KDM4C: variants seen among roughly 807,000 people sequenced by gnomAD.
The protein encoded by KDM4C is lysine demethylase 4C.
A neutral mutation model predicts 129.3 loss-of-function variants in KDM4C; 81 were observed. The observed-to-expected ratio is 0.63, with a 90% CI of 0.52 to 0.75. KDM4C has a LOEUF of 0.75. Ranked by LOEUF, KDM4C falls within the 30% of genes least tolerant of loss-of-function variation. KDM4C has a pLI of 0.00. For synonymous variants in KDM4C, 573 were observed against 456.1 expected (o/e 1.26, Z -3.26); for missense variants, 1,457 against 1,304.0 (o/e 1.12, Z -1.81).
intron 8 of KDM4C, among the ~76,000 whole-genome samples, chr9:6,953,624 A>G (rs546217633): frequency 1.3e-5 from 2 of 152,264 alleles, no homozygotes; most frequent in South Asian, 4.1e-4. Flanking sequence ...GTCTCAGTGT[A>G]CCATGTTATA....
intron 11 of KDM4C, among the ~76,000 whole-genome samples, chr9:6,989,077 G>A (rs913087512): frequency 6.6e-6 from 1 of 152,190 alleles, no homozygotes; most frequent in Admixed American, 6.5e-5. Flanking sequence ...ATGGTGCATA[G>A]TAGTGTGTTG....
intron 1 of KDM4C, among the ~76,000 whole-genome samples, chr9:6,734,199 C>T (rs1000461201): frequency 6.6e-6 from 1 of 151,928 alleles, no homozygotes; most frequent in Non-Finnish European, 1.5e-5. Flanking sequence ...TGCAGCTGTC[C>T]CCAGAAAGAG....
intron 11 of KDM4C, among the ~76,000 whole-genome samples, chr9:6,987,803 T>C (rs1004019036): frequency 6.6e-6 from 1 of 152,076 alleles, no homozygotes; most frequent in Non-Finnish European, 1.5e-5. Context: ...TATGGTCTGG[T>C]TTCTTTGAAA....
intron 17 of KDM4C, chr9:7,076,980 T>G (rs541731066): frequency 3.2e-5 from 32 of 985,600 alleles, no homozygotes; most frequent in Non-Finnish European, 3.9e-5. Flanking sequence ...GGCTTGAATC[T>G]AAGAGAATCC....
At chr9:6,834,532 AC>A in intron 4 of KDM4C, 2 of 670,302 alleles carry the variant, frequency 3.0e-6, no homozygotes, top group East Asian at 2.8e-5. Context: ...GGTGACGATG[AC>A]CCCCGGCCGT....
At chr9:6,775,360 A>C (rs1332329710) in intron 1 of KDM4C, among the ~76,000 whole-genome samples, 1 of 151,570 alleles carries the variant, frequency 6.6e-6, no homozygotes, top group Non-Finnish European at 1.5e-5. Flanking sequence ...GTTAATTTTC[A>C]CTGCTGTGTA....
chr9:6,970,238 G>T (rs1831726068), intron 8 of KDM4C, among the ~76,000 whole-genome samples: 1 of 152,114 alleles, frequency 6.6e-6, no homozygotes, highest in African/African-American at 2.4e-5. Flanking sequence ...AATGAGTAAT[G>T]GTTTCTTATG....
At chr9:7,064,990 G>A (rs1025959662) in intron 17 of KDM4C, among the ~76,000 whole-genome samples, 10 of 152,156 alleles carry the variant, frequency 6.6e-5, no homozygotes, top group African/African-American at 2.2e-4. Context: ...TAAATAAATT[G>A]AAAACAAACA....
rs561763055 is a variant in KDM4C at position 6,906,689 on chromosome 9, G to A, written c.921+13457G>A. 1.2e-4 allele frequency among the ~76,000 whole-genome samples: 19 copies of A among 152,262 alleles called. No individual in the cohort carries two copies. The East Asian group carries it at 2.7e-3, about 22-fold the overall frequency. On this transcript the variant is annotated intron_variant, in intron 8 of 21. Coordinates refer to ENST00000381309, the MANE Select transcript of KDM4C (RefSeq NM_015061.6). ...ACTCCTGGGCTCAAGTGATCCTCTC[G>A]TTTCAGCCTCCCCAAGTGCTGGAAT...
intron 19 of KDM4C, among the ~76,000 whole-genome samples, chr9:7,141,589 T>G (rs1214605212): frequency 1.3e-5 from 2 of 152,164 alleles, no homozygotes; most frequent in Non-Finnish European, 2.9e-5. Flanking sequence ...GATTCTGGCT[T>G]GCTCAGCCAA....
intron 4 of KDM4C, among the ~76,000 whole-genome samples, chr9:6,831,457 C>T (rs1163179766): frequency 2.0e-5 from 3 of 152,016 alleles, no homozygotes; most frequent in Non-Finnish European, 4.4e-5. Flanking sequence ...ATTCTCCTGC[C>T]ATAGCCTTCC....
At chr9:6,955,483 G>A (rs530549910) in intron 8 of KDM4C, among the ~76,000 whole-genome samples, 12 of 152,270 alleles carry the variant, frequency 7.9e-5, no homozygotes, top group Admixed American at 3.9e-4. Context: ...AGCAGAGAAG[G>A]ATGCCTTTGA....
intron 5 of KDM4C, among the ~76,000 whole-genome samples, chr9:6,854,546 C>CA (rs796548476): frequency 0.034 from 3,661 of 108,662 alleles, 185 homozygotes; most frequent in African/African-American, 0.11. Flanking sequence ...AAAAAAAAAA[C>CA]AAAAAAAAAA....
chr9:7,016,138 T>C (rs1043871349), intron 15 of KDM4C, among the ~76,000 whole-genome samples: 54 of 151,976 alleles, frequency 3.6e-4, no homozygotes, highest in African/African-American at 1.2e-3. Flanking sequence ...TTTTCTTTTT[T>C]TTTTTTTGAG....
intron 9 of KDM4C, chr9:6,981,802 A>G (rs1380075415): frequency 4.0e-6 from 1 of 248,308 alleles, no homozygotes; most frequent in Non-Finnish European, 9.7e-6. Flanking sequence ...ATTTTATGTT[A>G]AATTTTCCTC....
intron 21 of KDM4C, among the ~76,000 whole-genome samples, chr9:7,174,071 C>T (rs1176088346): frequency 6.6e-6 from 1 of 152,152 alleles, no homozygotes; most frequent in African/African-American, 2.4e-5. Flanking sequence ...GAGAAGAGAG[C>T]TTTAAGCAGT....
Position 7,049,187 on chromosome 9 carries a change from A to G in KDM4C, c.2411A>G (p.Gln804Arg). ...ATAGATGTAGGCAGAATACCTTTACAGAGGTTAAAATTGGTGAGTGGCAAA... is the reference window on the plus strand; with the variant it reads ...ATAGATGTAGGCAGAATACCTTTACGGAGGTTAAAATTGGTGAGTGGCAAA... ...TQIDVGRIPLQRLKLKCIFCR... is the reference protein window; with the variant it reads ...TQIDVGRIPLRRLKLKCIFCR... The change falls in exon 17 of 22, where the codon CAG becomes CGG. Residue 804 changes from glutamine to arginine, a missense_variant. Gln to Arg is a conservative substitution (Grantham distance 43). Coordinates refer to ENST00000381309, the MANE Select transcript of KDM4C (RefSeq NM_015061.6). The G allele has an allele frequency of 6.3e-7, 1 of 1,592,980 alleles. No individual in the cohort carries two copies. The highest frequency in any genetic ancestry group is 8.6e-7 in the Non-Finnish European group (1 of 1,162,396).
intron 19 of KDM4C, among the ~76,000 whole-genome samples, chr9:7,156,467 T>C (rs938165486): frequency 2.6e-5 from 4 of 152,256 alleles, no homozygotes; most frequent in Admixed American, 2.6e-4. Context: ...GGTTTTCTTC[T>C]AGGGTTTTTA....
intron 8 of KDM4C, among the ~76,000 whole-genome samples, chr9:6,914,617 A>G (rs1184407632): frequency 2.0e-5 from 3 of 152,222 alleles, no homozygotes; most frequent in East Asian, 3.8e-4. Flanking sequence ...ACAATTAGTG[A>G]TGAAACTTAA....
Sources: allele counts gnomAD v4.1 joint callset (sites outside exome capture counted in the v4.1 genomes callset), GRCh38; gene constraint gnomAD v4.1.1; transcripts MANE v1.5; gene names NCBI Gene and HGNC (gene_info 2026-07-23, HGNC 2026-07-21).